PCDH15: variants seen among roughly 807,000 people sequenced by gnomAD.
The protein encoded by PCDH15 is protocadherin-15.
PCDH15 carries 129 observed loss-of-function variants against 178.5 expected under a neutral mutation model. The observed-to-expected ratio is 0.72, with a 90% CI of 0.63 to 0.84. The LOEUF is 0.84. Ranked by LOEUF, PCDH15 falls within the 40% of genes least tolerant of loss-of-function variation. PCDH15 has a pLI of 0.00. For synonymous variants in PCDH15, 800 were observed against 732.0 expected (o/e 1.09, Z -1.50); for missense variants, 2,230 against 2,099.9 (o/e 1.06, Z -1.21).
intron 2 of PCDH15, among the ~76,000 whole-genome samples, chr10:54,534,621 T>A (rs1426511123): frequency 6.6e-6 from 1 of 152,222 alleles, no homozygotes; most frequent in Non-Finnish European, 1.5e-5. Flanking sequence ...CTCTTGCTCA[T>A]GTGTTTGTAT....
At chr10:55,582,705 C>A (rs1425564256) in intron 2 of PCDH15, among the ~76,000 whole-genome samples, 1 of 144,878 alleles carries the variant, frequency 6.9e-6, no homozygotes, top group East Asian at 2.1e-4. Flanking sequence ...CCACAAAAAT[C>A]CTTCTTAAAT....
At chr10:54,799,981 G>A (rs1448762636) in intron 1 of PCDH15, among the ~76,000 whole-genome samples, 1 of 152,064 alleles carries the variant, frequency 6.6e-6, no homozygotes, top group Non-Finnish European at 1.5e-5. Context: ...CTAATGTTAA[G>A]CAACATAATA....
intron 20 of PCDH15, among the ~76,000 whole-genome samples, chr10:54,002,046 CATATATGTATATATATA>C (rs2092165265): frequency 1.1e-4 from 3 of 26,346 alleles, no homozygotes; most frequent in African/African-American, 1.0e-3. Context: ...AATATATATA[CATATATGTATATATATA>C]CATGTATATA....
intron 2 of PCDH15, among the ~76,000 whole-genome samples, chr10:54,975,904 A>C (rs1327433910): frequency 1.3e-5 from 2 of 152,120 alleles, no homozygotes; most frequent in African/African-American, 4.8e-5. Context: ...AATTGGTTAT[A>C]CTGTCAGTTA....
Position 55,171,344 on chromosome 10 carries a change from T to G in PCDH15, c.-155-4693A>C, listed in dbSNP as rs376645138. Reference sequence around the variant, plus strand: ...ATGATGCATTCATACACATGAAGCCTCAAAGTTAAAATTCACTATTTCTTG... The same window carrying G: ...ATGATGCATTCATACACATGAAGCCGCAAAGTTAAAATTCACTATTTCTTG... On this transcript the variant is annotated intron_variant, in intron 1 of 5. Transcript: ENST00000458638. 4.6e-5 allele frequency among the ~76,000 whole-genome samples: 7 copies of G among 152,328 alleles called. No individual in the cohort carries two copies. The East Asian group carries it at 7.7e-4, about 17-fold the overall frequency.
At chr10:53,875,296 A>G (rs2080145860) in intron 26 of PCDH15, among the ~76,000 whole-genome samples, 1 of 151,660 alleles carries the variant, frequency 6.6e-6, no homozygotes, top group African/African-American at 2.4e-5. Context: ...TGTTTTCTTA[A>G]TATTTTGGGA....
intron 26 of PCDH15, among the ~76,000 whole-genome samples, chr10:53,882,315 G>C (rs79294225): frequency 0.014 from 2,187 of 152,234 alleles, 65 homozygotes; most frequent in East Asian, 0.12. Flanking sequence ...CCAATAAATA[G>C]CATGGGCTCC....
intron 2 of PCDH15, among the ~76,000 whole-genome samples, chr10:55,432,114 C>CACACACACACA (rs71014487): frequency 1.6e-4 from 23 of 147,076 alleles, no homozygotes; most frequent in African/African-American, 2.9e-4. Context: ...CACACACACA[C>CACACACACACA]CACAAGTCTC....
chr10:55,011,405 T>A (rs1250816258), intron 2 of PCDH15, among the ~76,000 whole-genome samples: 3 of 152,102 alleles, frequency 2.0e-5, no homozygotes, highest in African/African-American at 7.2e-5. Context: ...TAATGTCAAA[T>A]ATACTTAGAC....
At chr10:55,366,352 T>C (rs1845361080) in intron 2 of PCDH15, 1 of 152,170 alleles carries the variant, frequency 6.6e-6, no homozygotes, top group Non-Finnish European at 1.5e-5. Flanking sequence ...CTTATTTTTA[T>C]ATTTATTTGT....
At chr10:55,481,736 G>A (rs541928355) in intron 2 of PCDH15, among the ~76,000 whole-genome samples, 40 of 151,852 alleles carry the variant, frequency 2.6e-4, no homozygotes, top group African/African-American at 9.2e-4. Flanking sequence ...CATTTGCTGA[G>A]GAGTGTTTTA....
intron 11 of PCDH15, among the ~76,000 whole-genome samples, chr10:54,185,927 A>AAAAT (rs1296010957): frequency 4.6e-5 from 7 of 152,222 alleles, no homozygotes; most frequent in African/African-American, 1.7e-4. Flanking sequence ...AAGTCTAGAA[A>AAAAT]AAATGATATA....
At chr10:55,230,759 T>C (rs543563124) in intron 1 of PCDH15, among the ~76,000 whole-genome samples, 1 of 152,106 alleles carries the variant, frequency 6.6e-6, no homozygotes, top group Admixed American at 6.5e-5. Context: ...TGGCTGGAAG[T>C]AACTGTAATA....
At chr10:54,748,107 C>T (rs1945720057) in intron 1 of PCDH15, among the ~76,000 whole-genome samples, 1 of 152,106 alleles carries the variant, frequency 6.6e-6, no homozygotes, top group Admixed American at 6.6e-5. Context: ...CGCCCGACCA[C>T]TCAATGGTTA....
intron 2 of PCDH15, among the ~76,000 whole-genome samples, chr10:55,570,712 C>T (rs1842393095): frequency 6.6e-6 from 1 of 151,988 alleles, no homozygotes; most frequent in Admixed American, 6.6e-5. Flanking sequence ...TTTATCATAT[C>T]TTTGCCTATA....
intron 2 of PCDH15, among the ~76,000 whole-genome samples, chr10:55,617,999 A>T (rs951809905): frequency 7.2e-5 from 11 of 152,120 alleles, no homozygotes; most frequent in African/African-American, 2.7e-4. Context: ...TTCTAATGAA[A>T]TCAAGATAAA....
chr10:54,837,946 G>GTGT (rs917416005), intron 3 of PCDH15, among the ~76,000 whole-genome samples: 5 of 152,004 alleles, frequency 3.3e-5, no homozygotes, highest in African/African-American at 1.2e-4. Context: ...GGAAACCGTC[G>GTGT]TGTTAAACTC....
chr10:54,641,642 TTATC>T (rs1221965076), intron 2 of PCDH15, among the ~76,000 whole-genome samples: 2 of 152,020 alleles, frequency 1.3e-5, no homozygotes, highest in Admixed American at 6.6e-5. Context: ...ACATTTTTCT[TTATC>T]TATTTTTCAA....
chr10:54,806,792 C>G (rs1408229823), intron 3 of PCDH15, among the ~76,000 whole-genome samples: 4 of 152,134 alleles, frequency 2.6e-5, no homozygotes, highest in Non-Finnish European at 1.5e-5. Context: ...CCTGAGCCAC[C>G]ACGCCAGGCT....
Sources: gnomAD v4.1 joint callset for allele counts (sites outside exome capture counted in the v4.1 genomes callset) on GRCh38, gnomAD v4.1.1 for gene constraint, MANE v1.5 for transcripts, NCBI Gene and HGNC (gene_info 2026-07-23, HGNC 2026-07-21) for gene names.